PSMC3IP: variants seen among roughly 807,000 people sequenced by gnomAD.
PSMC3IP encodes homologous-pairing protein 2 homolog.
PSMC3IP carries 26 observed loss-of-function variants against 34.9 expected under a neutral mutation model. The observed-to-expected ratio is 0.74, with a 90% CI of 0.55 to 1.03. The LOEUF (loss-of-function observed/expected upper bound fraction) is 1.03. Ranked by LOEUF, PSMC3IP falls within the 50% of genes least tolerant of loss-of-function variation. The pLI is 0.00. For synonymous variants in PSMC3IP, 87 were observed against 96.5 expected (o/e 0.90, Z 0.57); for missense variants, 250 against 263.1 (o/e 0.95, Z 0.34).
intron 3 of PSMC3IP, among the ~76,000 whole-genome samples, chr17:42,575,577 G>A (rs535312321): frequency 6.6e-5 from 10 of 152,166 alleles, no homozygotes; most frequent in Non-Finnish European, 1.3e-4. Context: ...TCAGTTTAAC[G>A]AGTAATATCT....
chr17:42,577,150 C>G (rs1351073691), intron 3 of PSMC3IP, 63 bp downstream of exon 3: 2 of 1,611,366 alleles, frequency 1.2e-6, no homozygotes, highest in Admixed American at 1.7e-5. Context: ...AGAGTTCACA[C>G]CAGGAGTAGA....
At position 42,572,608 on chromosome 17, in the gene PSMC3IP, C is replaced by A; in HGVS notation, c.*360G>T. 2.2e-6 allele frequency: 1 copy of A among 452,160 alleles called. No individual in the cohort carries two copies. Among genetic ancestry groups the A allele is most frequent in the Non-Finnish European group, 4.4e-6 (1 of 225,844 alleles). 28.0% of individuals were successfully genotyped at this position (452,160 alleles called of 1,614,324 possible). On this transcript the variant is annotated 3_prime_UTR_variant, in exon 8 of 8. Coordinates refer to ENST00000393795, the MANE Select transcript of PSMC3IP (RefSeq NM_016556.4). ...CTACCCTAGTTCTCCAAATTCACTT[C>A]TGCCTTCCTCAGGTTTGATATCTGG...
At chr17:42,573,659 C>T (rs368567262) in intron 4 of PSMC3IP, 36 bp from the exon 5 acceptor site, 3 of 1,610,504 alleles carry the variant, frequency 1.9e-6, no homozygotes. Context: ...CTTGCTACCC[C>T]TGAGGAAGGA....
chr17:42,574,018 T>C (rs1211073554), intron 4 of PSMC3IP, 81 bp downstream of exon 4: 2 of 1,581,004 alleles, frequency 1.3e-6, no homozygotes, highest in African/African-American at 1.4e-5. Context: ...GCTGCAGTCA[T>C]TGAACCATTC....
At position 42,577,278 on chromosome 17, in the gene PSMC3IP, G is replaced by T; in HGVS notation, c.160C>A (p.Leu54Met). 1 of 1,614,082 alleles carries T rather than the reference G, an allele frequency of 6.2e-7. No homozygotes were observed. Among genetic ancestry groups the T allele is most frequent in the Non-Finnish European group, 8.5e-7 (1 of 1,180,030 alleles). ...TCTTTGATCTTGCCTTGTTGCGCCA[G>T]CTGCTCCAGCGTCTTCACCACCACC... is the stretch of plus-strand genomic sequence containing the variant. ...KAVVVKTLEQLAQQGKIKEKM... is the reference protein window; with the variant it reads ...KAVVVKTLEQMAQQGKIKEKM... The change falls in exon 3 of 8, where the codon CTG becomes ATG. Residue 54 changes from leucine (L) to methionine (M), a missense_variant. Physicochemically the swap from Leu to Met is conservative, Grantham distance 15. Coordinates refer to ENST00000393795, the MANE Select transcript of PSMC3IP (RefSeq NM_016556.4).
At position 42,572,620 on chromosome 17, in the gene PSMC3IP, G is replaced by A. The variant is rs117542454; in HGVS notation, c.*348C>T. On this transcript the variant is annotated 3_prime_UTR_variant, in exon 8 of 8. Transcript: ENST00000393795. ...TCCAAATTCACTTCTGCCTTCCTCA[G>A]GTTTGATATCTGGCAGGTTTGACTA... 6,310 of 447,762 alleles carry A rather than the reference G, an allele frequency of 0.014. 72 individuals carry two copies. The highest frequency in any genetic ancestry group is 0.028 in the Middle Eastern group (39 of 1,418). 27.7% of individuals were successfully genotyped at this position (447,762 alleles called of 1,614,324 possible).
At chr17:42,573,453 G>A (rs199629746) in intron 5 of PSMC3IP, 25 bp downstream of exon 5, 3 of 1,614,188 alleles carry the variant, frequency 1.9e-6, no homozygotes, top group Non-Finnish European at 2.5e-6. Context: ...GACCTGCACA[G>A]CGGTCCTACA....
chr17:42,574,321 A>G, intron 3 of PSMC3IP, 111 bp from the exon 4 acceptor site: 1 of 1,539,534 alleles, frequency 6.5e-7, no homozygotes, highest in Non-Finnish European at 8.8e-7. Flanking sequence ...CACACCCCAA[A>G]GTCTCCAGAG....
intron 3 of PSMC3IP, among the ~76,000 whole-genome samples, chr17:42,575,673 AAAG>A (rs2093070585): frequency 6.6e-6 from 1 of 152,104 alleles, no homozygotes; most frequent in Non-Finnish European, 1.5e-5. Flanking sequence ...TCAGTTGAAT[AAAG>A]GAGACAAGTA....
At chr17:42,577,024 A>G (rs779894963) in intron 3 of PSMC3IP, 189 bp downstream of exon 3, 157 of 1,363,100 alleles carry the variant, frequency 1.2e-4, no homozygotes, top group Non-Finnish European at 1.5e-4. Flanking sequence ...GTCATCCATC[A>G]TATTGTAAAT....
chr17:42,576,923 C>T (rs1234420194), intron 3 of PSMC3IP: 5 of 472,148 alleles, frequency 1.1e-5, no homozygotes, highest in Non-Finnish European at 1.8e-5. Context: ...GGAGGAACAT[C>T]ATTTGGCAGA....
intron 4 of PSMC3IP, 106 bp from the exon 5 acceptor site, chr17:42,573,729 C>A: frequency 6.5e-7 from 1 of 1,540,070 alleles, no homozygotes; most frequent in Non-Finnish European, 8.9e-7. Context: ...GATCTATCAT[C>A]TCACATGGAA....
At chr17:42,577,159 G>C (rs769240681) in intron 3 of PSMC3IP, 54 bp downstream of exon 3, 3 of 1,612,784 alleles carry the variant, frequency 1.9e-6, no homozygotes, top group Non-Finnish European at 2.5e-6. Flanking sequence ...ACCAGGAGTA[G>C]ATTCACCCGT....
intron 4 of PSMC3IP, 123 bp downstream of exon 4, chr17:42,573,976 G>A: frequency 6.5e-7 from 1 of 1,545,440 alleles, no homozygotes; most frequent in Non-Finnish European, 8.7e-7. Flanking sequence ...GCCTAAGGGA[G>A]CCCAGCAAAG....
chr17:42,575,994 C>G (rs2093073039), intron 3 of PSMC3IP, among the ~76,000 whole-genome samples: 1 of 152,284 alleles, frequency 6.6e-6, no homozygotes, highest in South Asian at 2.1e-4. Flanking sequence ...GCACTCCAGC[C>G]TGGGTGACAG....
At position 42,573,636 on chromosome 17, in the gene PSMC3IP, C is replaced by T. The variant is rs1366105783; in HGVS notation, c.338-13G>A. On this transcript the variant is annotated splice_polypyrimidine_tract_variant and intron_variant, in intron 4 of 7. Transcript: ENST00000393795. ...AATTCCTTGAGCTCTGAAACCACAT[C>T]CGCCTGGGGTCACTTGCTACCCCTG... 3.1e-6 allele frequency: 5 copies of T among 1,613,880 alleles called. No individual in the cohort carries two copies. Among genetic ancestry groups the T allele is most frequent in the Non-Finnish European group, 4.2e-6 (5 of 1,179,858 alleles).
At position 42,577,533 on chromosome 17, in the gene PSMC3IP, C is replaced by CT; in HGVS notation, c.62dup (p.Glu22GlyfsTer58). 6.2e-7 allele frequency: 1 copy of CT among 1,614,210 alleles called. No homozygotes were observed. The highest frequency in any genetic ancestry group is 8.5e-7 in the Non-Finnish European group (1 of 1,180,038). On this transcript the variant is annotated frameshift_variant, in exon 2 of 8. Transcript: ENST00000393795. LOFTEE classifies it high-confidence loss of function. ...GGGAGCTGTAGGGCCGGTTCTGCTC[C>CT]TGCAGGTACCTCAGGAGGATCCCGG...
intron 3 of PSMC3IP, among the ~76,000 whole-genome samples, chr17:42,575,926 C>T (rs2093072517): frequency 6.7e-6 from 1 of 150,108 alleles, no homozygotes; most frequent in African/African-American, 2.5e-5. Context: ...GAGGCTGAGG[C>T]GGGGGAATGG....
chr17:42,575,644 G>A (rs959313243), intron 3 of PSMC3IP, among the ~76,000 whole-genome samples: 1 of 152,026 alleles, frequency 6.6e-6, no homozygotes, highest in Non-Finnish European at 1.5e-5. Context: ...TGAGAAATGG[G>A]GTCTGCCCTA....
Sources: allele counts gnomAD v4.1 joint callset (sites outside exome capture counted in the v4.1 genomes callset), GRCh38; gene constraint gnomAD v4.1.1; transcripts MANE v1.5; gene names NCBI Gene and HGNC (gene_info 2026-07-23, HGNC 2026-07-21).